Variants in REV1 observed in about 807,000 individuals in gnomAD.
REV1 encodes the protein REV1 DNA directed polymerase.
Under a neutral mutation model 137.4 loss-of-function variants are expected in REV1, and 42 were observed. The observed-to-expected ratio is 0.31, with a 90% confidence interval of 0.24 to 0.40. The LOEUF (loss-of-function observed/expected upper bound fraction) is 0.40. Ranked by LOEUF, REV1 falls within the 10% of genes least tolerant of loss-of-function variation. REV1 has a pLI of 1.00. For missense variants in REV1, 1,282 were observed against 1,490.1 expected (o/e 0.86, Z 2.30); for synonymous variants, 524 against 519.2 (o/e 1.01, Z -0.12).
intron 1 of REV1, among the ~76,000 whole-genome samples, chr2:99,467,385 G>A (rs981032226): frequency 6.6e-6 from 1 of 152,094 alleles, no homozygotes. Flanking sequence ...TTTTAGCTTC[G>A]TCATTTCCAA....
Position 99,402,689 on chromosome 2 carries a change from T to G in REV1, c.3496A>C (p.Asn1166His). Residue 1166 changes from asparagine to histidine, a missense_variant, in exon 21 of 23, where the codon AAT (asparagine) becomes CAT (histidine). Physicochemically the swap from Asn to His is moderately conservative, Grantham distance 68 (BLOSUM62 1). Coordinates refer to ENST00000258428, the MANE Select transcript of REV1 (RefSeq NM_016316.4). ...TCTCTGAGCAAGGTCTTCACATCATTGAATTCAACAGCTCCAGCTAGATTG... is the reference window on the plus strand; with the variant it reads ...TCTCTGAGCAAGGTCTTCACATCATGGAATTCAACAGCTCCAGCTAGATTG... ...APNLAGAVEF[N>H]DVKTLLREWI... 6.2e-7 allele frequency: 1 copy of G among 1,614,154 alleles called. No individual in the cohort carries two copies. The highest frequency in any genetic ancestry group is 1.1e-5 in the South Asian group (1 of 91,086).
intron 17 of REV1, among the ~76,000 whole-genome samples, chr2:99,404,963 C>T (rs536557703): frequency 6.6e-6 from 1 of 152,270 alleles, no homozygotes; most frequent in Admixed American, 6.5e-5. Flanking sequence ...ACAGAATGTC[C>T]TGCAATTGGG....
Position 99,479,345 on chromosome 2 carries a change from C to A in REV1, c.-11+10472G>T, listed in dbSNP as rs79576479. On this transcript the variant is annotated intron_variant, in intron 1 of 22. Transcript: ENST00000258428. Reference sequence around the variant, plus strand: ...CTGTCTCAAAAAAAAAAAAAAAAAACAAAAAGATTACAGGCAACAAAATCT... The same window carrying A: ...CTGTCTCAAAAAAAAAAAAAAAAAAAAAAAAGATTACAGGCAACAAAATCT... Among the ~76,000 whole-genome samples the A allele has an allele frequency of 5.7e-3, 717 of 126,132 alleles. 3 individuals are homozygous for A. Among genetic ancestry groups the A allele is most frequent in the African/African-American group, 0.013 (430 of 32,456 alleles). 82.7% of individuals were successfully genotyped at this position (126,132 alleles called of 152,430 possible).
intron 18 of REV1, 109 bp downstream of exon 18, chr2:99,404,335 G>A (rs1207538118): frequency 1.2e-6 from 1 of 825,698 alleles, no homozygotes; most frequent in Non-Finnish European, 2.0e-6. Context: ...CCTCCCCAGT[G>A]GATGTGGTGT....
At chr2:99,454,895 A>C (rs1343848924) in intron 3 of REV1, among the ~76,000 whole-genome samples, 1 of 152,218 alleles carries the variant, frequency 6.6e-6, no homozygotes, top group Non-Finnish European at 1.5e-5. Context: ...CAAGGACCAC[A>C]ATTTAGCCCA....
intron 13 of REV1, among the ~76,000 whole-genome samples, chr2:99,412,433 CTTT>C (rs1035411493): frequency 6.6e-6 from 1 of 151,992 alleles, no homozygotes. Flanking sequence ...TTTTTCTCAT[CTTT>C]TTTATTTTTT....
intron 1 of REV1, among the ~76,000 whole-genome samples, chr2:99,483,459 C>T (rs1308103890): frequency 1.3e-5 from 2 of 152,188 alleles, no homozygotes; most frequent in African/African-American, 4.8e-5. Flanking sequence ...ATACGAACTA[C>T]TCACATCACA....
intron 3 of REV1, among the ~76,000 whole-genome samples, chr2:99,462,123 A>G (rs750544103): frequency 2.0e-5 from 3 of 152,128 alleles, no homozygotes; most frequent in Admixed American, 2.0e-4. Flanking sequence ...GAAATCTGAC[A>G]CTGACACACA....
At chr2:99,478,723 C>A (rs1312659796) in intron 1 of REV1, among the ~76,000 whole-genome samples, 1 of 152,166 alleles carries the variant, frequency 6.6e-6, no homozygotes, top group East Asian at 1.9e-4. Context: ...CGTGAGCATG[C>A]ATCAGAATCA....
intron 1 of REV1, among the ~76,000 whole-genome samples, chr2:99,475,718 CT>C (rs1685895026): frequency 1.3e-5 from 2 of 152,110 alleles, no homozygotes; most frequent in South Asian, 4.1e-4. Flanking sequence ...GGCACAGTGG[CT>C]CACGCCTGTA....
chr2:99,403,240 G>A, intron 19 of REV1, 134 bp from the exon 20 acceptor site: 1 of 716,526 alleles, frequency 1.4e-6, no homozygotes, highest in Non-Finnish European at 2.2e-6. Flanking sequence ...CCCCAAGTGA[G>A]AGGCAGTGAA....
intron 1 of REV1, among the ~76,000 whole-genome samples, chr2:99,476,015 G>A (rs1336550929): frequency 6.6e-6 from 1 of 152,090 alleles, no homozygotes; most frequent in African/African-American, 2.4e-5. Flanking sequence ...AAACAAATGT[G>A]TATGATTCTA....
At chr2:99,403,927 C>T (rs911012276) in intron 18 of REV1, 112 bp from the exon 19 acceptor site, 17 of 1,320,206 alleles carry the variant, frequency 1.3e-5, no homozygotes, top group Middle Eastern at 2.6e-4. Context: ...CTGATCTGTA[C>T]GAATTCTTAA....
intron 12 of REV1, 23 bp downstream of exon 12, chr2:99,418,805 A>C: frequency 6.3e-7 from 1 of 1,598,688 alleles, no homozygotes; most frequent in Non-Finnish European, 8.6e-7. Flanking sequence ...TAATAAAAGT[A>C]TTGTTAAAAT....
intron 14 of REV1, chr2:99,408,406 T>C (rs1676639458): frequency 4.0e-6 from 1 of 249,578 alleles, no homozygotes; most frequent in African/African-American, 2.2e-5. Flanking sequence ...GTTGAGAAAT[T>C]TAGAAAAAGG....
chr2:99,452,064 T>C (rs1001361508), intron 3 of REV1, among the ~76,000 whole-genome samples: 2 of 152,226 alleles, frequency 1.3e-5, no homozygotes, highest in East Asian at 1.9e-4. Flanking sequence ...AACTGCAGAT[T>C]TGCATAATAA....
intron 1 of REV1, among the ~76,000 whole-genome samples, chr2:99,471,708 A>C (rs1171205620): frequency 6.6e-6 from 1 of 152,054 alleles, no homozygotes; most frequent in Non-Finnish European, 1.5e-5. Flanking sequence ...CATAAACTGT[A>C]ATAATAAACA....
intron 1 of REV1, among the ~76,000 whole-genome samples, chr2:99,465,721 C>T (rs1684718134): frequency 6.6e-6 from 1 of 152,148 alleles, no homozygotes; most frequent in African/African-American, 2.4e-5. Flanking sequence ...TGGGCTATGA[C>T]TACATTTATT....
chr2:99,434,259 C>T, intron 8 of REV1, 73 bp downstream of exon 8: 1 of 925,398 alleles, frequency 1.1e-6, no homozygotes, highest in Non-Finnish European at 1.6e-6. Flanking sequence ...TTTCTATTAA[C>T]AACCATGCCA....
Sources: allele counts gnomAD v4.1 joint callset (sites outside exome capture counted in the v4.1 genomes callset), GRCh38; gene constraint gnomAD v4.1.1; transcripts MANE v1.5; gene names NCBI Gene and HGNC (gene_info 2026-07-23, HGNC 2026-07-21).